TRHDE: variants seen among roughly 807,000 people sequenced by gnomAD.
The protein encoded by TRHDE is thyrotropin-releasing hormone-degrading ectoenzyme.
In TRHDE, 72 loss-of-function variants were observed where a neutral mutation model predicts 125.7. The ratio of observed to expected loss-of-function variants is 0.57; its 90% CI spans 0.47 to 0.70. The LOEUF (loss-of-function observed/expected upper bound fraction) is 0.70, where lower values mean the gene tolerates loss of function less well. Ranked by LOEUF, TRHDE falls within the 30% of genes least tolerant of loss-of-function variation. The pLI is 0.00. For synonymous variants in TRHDE, 509 were observed against 509.1 expected, an observed-to-expected ratio of 1.00 and a Z score of 0.00; for missense variants, 1,110 against 1,327.1, an observed-to-expected ratio of 0.84 and a Z score of 2.54.
At chr12:72,153,336 T>C (rs1483592454) in intron 2 of TRHDE, among the ~76,000 whole-genome samples, 5 of 152,180 alleles carry the variant, frequency 3.3e-5, no homozygotes, top group Admixed American at 2.0e-4. Context: ...GCTGATCTTT[T>C]CAAAAAACCA....
intron 2 of TRHDE, among the ~76,000 whole-genome samples, chr12:72,308,412 A>G (rs1021302978): frequency 1.3e-5 from 2 of 152,222 alleles, no homozygotes; most frequent in Non-Finnish European, 2.9e-5. Flanking sequence ...GACAGATTCT[A>G]GAACTGATTC....
intron 3 of TRHDE, among the ~76,000 whole-genome samples, chr12:72,402,068 A>C (rs977391498): frequency 6.6e-6 from 1 of 152,132 alleles, no homozygotes; most frequent in African/African-American, 2.4e-5. Context: ...GCTGGCTAAA[A>C]CAACAGAAAT....
intron 2 of TRHDE, among the ~76,000 whole-genome samples, chr12:72,330,488 C>T (rs541149139): frequency 2.0e-5 from 3 of 152,288 alleles, no homozygotes; most frequent in South Asian, 4.1e-4. Flanking sequence ...GCTACTCTCA[C>T]GGCGATGGGA....
At chr12:72,585,497 A>G (rs1455220417) in intron 12 of TRHDE, among the ~76,000 whole-genome samples, 2 of 152,228 alleles carry the variant, frequency 1.3e-5, no homozygotes, top group African/African-American at 4.8e-5. Flanking sequence ...CACCATATTC[A>G]TTGATCTTCT....
At chr12:72,603,762 C>CA (rs35615316) in intron 12 of TRHDE, among the ~76,000 whole-genome samples, 20,559 of 150,894 alleles carry the variant, frequency 0.14, 1,900 homozygotes, top group East Asian at 0.48. Context: ...ACAACAACAA[C>CA]AACAAAAAAA....
chr12:72,547,921 C>T (rs923523922), intron 7 of TRHDE, among the ~76,000 whole-genome samples: 2 of 151,784 alleles, frequency 1.3e-5, no homozygotes, highest in African/African-American at 2.4e-5. Flanking sequence ...ATCTTTAGCA[C>T]CTCATTTTTG....
At position 72,333,816 on chromosome 12, in the gene TRHDE, C is replaced by T. The variant is rs574333192; in HGVS notation, c.1189-44179C>T. 6.6e-5 allele frequency among the ~76,000 whole-genome samples: 10 copies of T among 152,254 alleles called. No homozygotes were observed. The East Asian group carries it at 1.9e-3, about 29-fold the overall frequency. ...TCTTAATATTTTTCTGTTAGGAGTA[C>T]ATAGACTTCCTGTTGGAAATCCTAT... On this transcript the variant is annotated intron_variant, in intron 2 of 18. Coordinates refer to ENST00000261180, the MANE Select transcript of TRHDE (RefSeq NM_013381.3).
chr12:72,582,573 G>A (rs1758862607), intron 12 of TRHDE: 1 of 985,246 alleles, frequency 1.0e-6, no homozygotes, highest in East Asian at 1.1e-4. Context: ...GTAGTATAAT[G>A]TGCCTGAAAA....
At chr12:72,355,110 T>C (rs929558197) in intron 2 of TRHDE, among the ~76,000 whole-genome samples, 1 of 151,504 alleles carries the variant, frequency 6.6e-6, no homozygotes, top group Non-Finnish European at 1.5e-5. Context: ...AATAATCTTA[T>C]TCAAATAATC....
intron 7 of TRHDE, chr12:72,560,474 A>G (rs896813525): frequency 3.3e-5 from 5 of 152,218 alleles, no homozygotes; most frequent in African/African-American, 1.2e-4. Context: ...ACCCATAAAC[A>G]GAACCTAAGA....
intron 6 of TRHDE, among the ~76,000 whole-genome samples, chr12:72,539,574 T>C (rs1360323658): frequency 6.6e-6 from 1 of 151,870 alleles, no homozygotes; most frequent in Non-Finnish European, 1.5e-5. Flanking sequence ...GTTTTTTCTC[T>C]GGGCATGTTT....
At chr12:72,571,140 C>T (rs1870714529) in intron 10 of TRHDE, among the ~76,000 whole-genome samples, 1 of 151,942 alleles carries the variant, frequency 6.6e-6, no homozygotes, top group East Asian at 1.9e-4. Flanking sequence ...AATTTAACAG[C>T]AAACAAAAAT....
intron 3 of TRHDE, among the ~76,000 whole-genome samples, chr12:72,462,960 T>C (rs61696373): frequency 0.014 from 2,172 of 152,300 alleles, 50 homozygotes; most frequent in African/African-American, 0.049. Flanking sequence ...AGTGAATGAA[T>C]GCCTAATTCA....
At chr12:72,444,563 C>A (rs1057310774) in intron 3 of TRHDE, among the ~76,000 whole-genome samples, 3 of 151,722 alleles carry the variant, frequency 2.0e-5, no homozygotes, top group Non-Finnish European at 4.4e-5. Context: ...ATTCTAATGG[C>A]AAAACTTGAA....
At chr12:72,473,353 A>G (rs539648071) in intron 5 of TRHDE, among the ~76,000 whole-genome samples, 173 bp downstream of exon 5, 1 of 152,344 alleles carries the variant, frequency 6.6e-6, no homozygotes, top group East Asian at 1.9e-4. Context: ...TCTTTTACTT[A>G]TTAGGAACTA....
At chr12:72,385,977 T>C (rs1872393652) in intron 3 of TRHDE, among the ~76,000 whole-genome samples, 1 of 152,208 alleles carries the variant, frequency 6.6e-6, no homozygotes, top group South Asian at 2.1e-4. Flanking sequence ...CCAGCGTTTA[T>C]TGAGTAGTAA....
intron 2 of TRHDE, among the ~76,000 whole-genome samples, chr12:72,114,131 T>C (rs1436783432): frequency 6.6e-6 from 1 of 150,632 alleles, no homozygotes; most frequent in African/African-American, 2.4e-5. Flanking sequence ...TTTAGGTTTA[T>C]GCCAGGGGCT....
rs114113614 is a variant in TRHDE at position 72,093,148 on chromosome 12, C to T, written n.174+5709C>T. Among the ~76,000 whole-genome samples the T allele has an allele frequency of 6.8e-3, 1,042 of 152,284 alleles. 12 individuals are homozygous for T. Among genetic ancestry groups the T allele is most frequent in the African/African-American group, 0.024 (978 of 41,562 alleles). Reference sequence around the variant, plus strand: ...CTTTTTCTTACAGCACTTTGATTATCCCACTTCCTCCTGGTCTGGAAGGTT... The same window carrying T: ...CTTTTTCTTACAGCACTTTGATTATTCCACTTCCTCCTGGTCTGGAAGGTT... On this transcript the variant is annotated intron_variant and non_coding_transcript_variant, in intron 1 of 4. Coordinates refer to the TRHDE transcript ENST00000548156.
At chr12:72,393,114 C>A (rs1197751789) in intron 3 of TRHDE, among the ~76,000 whole-genome samples, 1 of 152,050 alleles carries the variant, frequency 6.6e-6, no homozygotes, top group Non-Finnish European at 1.5e-5. Context: ...ACTCATGTTG[C>A]TTCATGTTAT....
Sources: gnomAD v4.1 joint callset for allele counts (sites outside exome capture counted in the v4.1 genomes callset) on GRCh38, gnomAD v4.1.1 for gene constraint, MANE v1.5 for transcripts, NCBI Gene and HGNC (gene_info 2026-07-23, HGNC 2026-07-21) for gene names.